NOX4: variants seen among roughly 807,000 people sequenced by gnomAD.
The protein encoded by NOX4 is kidney oxidase-1.
A neutral mutation model predicts 87.6 loss-of-function variants in NOX4; 69 were observed. The observed-to-expected ratio is 0.79, with a 90% CI of 0.65 to 0.96. NOX4 has a LOEUF of 0.96. NOX4 is among the 40% of genes least tolerant of loss of function. The pLI is 0.00. For synonymous variants in NOX4, 275 were observed against 238.2 expected (o/e 1.15, Z -1.42); for missense variants, 680 against 681.5 (o/e 1.00, Z 0.02).
chr11:89,397,343 C>G (rs1204359604), intron 11 of NOX4, among the ~76,000 whole-genome samples: 1 of 152,198 alleles, frequency 6.6e-6, no homozygotes, highest in East Asian at 1.9e-4. Flanking sequence ...CTTTATAGCA[C>G]TAAATGCCCA....
At chr11:89,432,746 G>C (rs959475117) in intron 7 of NOX4, 38 bp downstream of exon 7, 1 of 1,418,564 alleles carries the variant, frequency 7.0e-7, no homozygotes, top group African/African-American at 1.4e-5. Flanking sequence ...TAAATAACCT[G>C]ACAGATACAC....
chr11:89,542,994 C>G, the NOX4 span, among the ~76,000 whole-genome samples: 5 of 151,984 alleles, frequency 3.3e-5, no homozygotes, highest in African/African-American at 7.3e-5. Flanking sequence ...CAGAAATGCC[C>G]TTATGTAGAA....
Position 89,490,465 on chromosome 11 carries a change from A to T in NOX4, c.146T>A (p.Met49Lys). 1 of 1,610,540 alleles carries T rather than the reference A, an allele frequency of 6.2e-7. No homozygotes were observed. The highest frequency in any genetic ancestry group is 8.5e-7 in the Non-Finnish European group (1 of 1,176,738). The change falls in exon 2 of 18, where the codon ATG (methionine) becomes AAG (lysine). Residue 49 changes from methionine to lysine, a missense_variant. Transcript: ENST00000263317. The stretch of plus-strand genomic sequence containing the variant: ...CAAGTTCACCTTACTTACCCCCAAC[A>T]TCTGGTGGAGGTAGTGATACTCTGG... ...QGPEYHYLHQ[M>K]LGLGLCLSRA...
At chr11:89,400,455 T>C (rs1941770310) in intron 9 of NOX4, 76 bp from the exon 10 acceptor site, 1 of 988,918 alleles carries the variant, frequency 1.0e-6, no homozygotes, top group Non-Finnish European at 1.4e-6. Context: ...AATTGCTTAT[T>C]GCATACATTA....
intron 2 of NOX4, among the ~76,000 whole-genome samples, chr11:89,461,644 C>CA (rs915224626): frequency 6.0e-5 from 2 of 33,362 alleles, no homozygotes; most frequent in Admixed American, 7.2e-4. Flanking sequence ...GACTCCATCT[C>CA]AAAAAATAAA....
chr11:89,386,809 A>C (rs1327815106), intron 11 of NOX4, among the ~76,000 whole-genome samples: 1 of 151,892 alleles, frequency 6.6e-6, no homozygotes, highest in African/African-American at 2.4e-5. Flanking sequence ...ATTATGCTGA[A>C]CCCCCTTGGA....
the NOX4 span, among the ~76,000 whole-genome samples, chr11:89,544,359 A>G: frequency 6.6e-6 from 1 of 152,152 alleles, no homozygotes; most frequent in East Asian, 1.9e-4. Context: ...AAAGGTAGGT[A>G]CCACCACTTT....
upstream of NOX4, among the ~76,000 whole-genome samples, chr11:89,492,854 T>C (rs568017207): frequency 6.6e-6 from 1 of 152,282 alleles, no homozygotes; most frequent in African/African-American, 2.4e-5. Context: ...TAGGTTCTTG[T>C]CATGAGTTGA....
At chr11:89,373,585 C>G (rs531003583) in intron 11 of NOX4, 93 bp from the exon 12 acceptor site, 11 of 797,554 alleles carry the variant, frequency 1.4e-5, no homozygotes, top group Middle Eastern at 2.6e-4. Flanking sequence ...GCAAGTCCCC[C>G]ATATCAATAG....
chr11:89,576,622 A>G, the NOX4 span, among the ~76,000 whole-genome samples: 1 of 152,188 alleles, frequency 6.6e-6, no homozygotes, highest in Non-Finnish European at 1.5e-5. Flanking sequence ...CCAAGGGGAC[A>G]CAATCCAGCT....
chr11:89,361,480 G>A (rs1938518954), intron 12 of NOX4, among the ~76,000 whole-genome samples: 1 of 152,104 alleles, frequency 6.6e-6, no homozygotes, highest in Admixed American at 6.6e-5. Context: ...TCGGGTGAGG[G>A]ATAAAAAACT....
intron 8 of NOX4, among the ~76,000 whole-genome samples, chr11:89,416,591 C>T (rs1010120159): frequency 6.6e-6 from 1 of 152,116 alleles, no homozygotes; most frequent in African/African-American, 2.4e-5. Flanking sequence ...ATAAGCCGAC[C>T]CCCACAATAT....
At chr11:89,566,403 C>T in the NOX4 span, among the ~76,000 whole-genome samples, 2 of 152,208 alleles carry the variant, frequency 1.3e-5, no homozygotes, top group East Asian at 3.9e-4. Context: ...TTATGCTGCT[C>T]TTATAAAATA....
chr11:89,539,773 G>T, the NOX4 span, among the ~76,000 whole-genome samples: 12 of 152,072 alleles, frequency 7.9e-5, no homozygotes, highest in Non-Finnish European at 1.3e-4. Flanking sequence ...TAGTATTCTG[G>T]AGTATTCTTT....
At chr11:89,543,296 T>A in the NOX4 span, among the ~76,000 whole-genome samples, 1 of 152,190 alleles carries the variant, frequency 6.6e-6, no homozygotes, top group African/African-American at 2.4e-5. Flanking sequence ...ATGTGATCAA[T>A]CTTGACAGTT....
chr11:89,547,791 T>C, the NOX4 span, among the ~76,000 whole-genome samples: 1 of 152,032 alleles, frequency 6.6e-6, no homozygotes, highest in Non-Finnish European at 1.5e-5. Context: ...GCTTTTCAGG[T>C]AATTCTAAAG....
intron 2 of NOX4, among the ~76,000 whole-genome samples, chr11:89,453,626 C>T (rs1303195437): frequency 1.3e-5 from 2 of 152,156 alleles, no homozygotes; most frequent in African/African-American, 4.8e-5. Context: ...TAGTTTGGAT[C>T]AATTTACACT....
Position 89,330,103 on chromosome 11 carries a change from A to G in NOX4, c.1617-3227T>C, listed in dbSNP as rs114525312. Among the ~76,000 whole-genome samples the G allele has an allele frequency of 2.6e-3, 400 of 152,232 alleles. 2 individuals carry two copies. Among genetic ancestry groups the G allele is most frequent in the African/African-American group, 9.2e-3 (382 of 41,558 alleles). ...GATGAATGCAAAAATAGCAAAACGG[A>G]TGGAAGAAATGGAAGTACATGAAGT... On this transcript the variant is annotated intron_variant, in intron 17 of 17. Transcript: ENST00000263317.
chr11:89,438,116 T>C (rs1944175919), intron 6 of NOX4, among the ~76,000 whole-genome samples: 1 of 150,552 alleles, frequency 6.6e-6, no homozygotes. Flanking sequence ...ACACCACTCA[T>C]GGGGACCTCT....
Sources: gnomAD v4.1 joint callset for allele counts (sites outside exome capture counted in the v4.1 genomes callset) on GRCh38, gnomAD v4.1.1 for gene constraint, MANE v1.5 for transcripts, NCBI Gene and HGNC (gene_info 2026-07-23, HGNC 2026-07-21) for gene names.